The following FBXO45 variants were observed in gnomAD, a reference collection of about 807,000 sequenced individuals.
FBXO45 encodes the protein F-box/SPRY domain-containing protein 1.
A neutral mutation model predicts 25.5 loss-of-function variants in FBXO45; 3 were observed. That is an observed-to-expected ratio of 0.12 (90% confidence interval 0.05 to 0.30). The LOEUF (loss-of-function observed/expected upper bound fraction) is 0.30. Among genes scored for constraint, FBXO45 ranks in the 10% least tolerant of loss-of-function variants. The pLI, the probability that FBXO45 is intolerant of heterozygous loss-of-function variation, is 1.00. For synonymous variants in FBXO45, 155 were observed against 149.8 expected (o/e 1.03, Z -0.25); for missense variants, 219 against 365.0 (o/e 0.60, Z 3.26).
chr3:196,574,265 C>T (rs1735876708), intron 1 of FBXO45, among the ~76,000 whole-genome samples: 1 of 152,040 alleles, frequency 6.6e-6, no homozygotes, highest in Non-Finnish European at 1.5e-5. Flanking sequence ...TTTCCAGTAT[C>T]TGTTTCTAAA....
chr3:196,582,071 C>A (rs1736019816), intron 2 of FBXO45, among the ~76,000 whole-genome samples: 1 of 152,138 alleles, frequency 6.6e-6, no homozygotes, highest in South Asian at 2.1e-4. Flanking sequence ...TGGAGTTCCT[C>A]CTCTAAGTTT....
chr3:196,572,356 G>C (rs1174888764), intron 1 of FBXO45, among the ~76,000 whole-genome samples: 1 of 152,200 alleles, frequency 6.6e-6, no homozygotes, highest in Non-Finnish European at 1.5e-5. Context: ...ACCGCATCTG[G>C]TAAGTAGTAT....
chr3:196,581,223 CTTTTT>C (rs33962634), intron 2 of FBXO45, among the ~76,000 whole-genome samples: 277 of 63,576 alleles, frequency 4.4e-3, no homozygotes, highest in African/African-American at 0.017. Flanking sequence ...TTTCTTTTTC[CTTTTT>C]TTTTTTTTTT....
intron 1 of FBXO45, among the ~76,000 whole-genome samples, chr3:196,573,144 G>A (rs898201290): frequency 8.6e-5 from 13 of 151,990 alleles, no homozygotes; most frequent in African/African-American, 2.9e-4. Flanking sequence ...CAGGCTGGTG[G>A]GCTAGGTTTC....
At chr3:196,571,272 G>A (rs1014382027) in intron 1 of FBXO45, among the ~76,000 whole-genome samples, 4 of 152,022 alleles carry the variant, frequency 2.6e-5, no homozygotes, top group African/African-American at 9.7e-5. Flanking sequence ...TGTCGCCCAG[G>A]CTGCAGTGCA....
At position 196,587,685 on chromosome 3, in the gene FBXO45, C is replaced by T. The variant is rs1056186935; in HGVS notation, c.*3367C>T. ...TACAGGTGTATGCCACTATACCCAG[C>T]TTTAACTTTTAAATCCCCAAACTAT... On this transcript the variant is annotated 3_prime_UTR_variant, in exon 3 of 3. Transcript: ENST00000311630. The T allele has an allele frequency of 1.3e-5, 2 of 152,104 alleles. No individual in the cohort carries two copies. Among genetic ancestry groups the T allele is most frequent in the African/African-American group, 2.4e-5 (1 of 41,406 alleles). The allele number at this position is 152,104 out of a possible 1,614,324, so 9.4% of individuals were successfully genotyped here.
intron 2 of FBXO45, 71 bp downstream of exon 2, chr3:196,577,880 A>G (rs912234032): frequency 9.7e-6 from 9 of 929,070 alleles, no homozygotes; most frequent in Middle Eastern, 3.2e-4. Context: ...TAAATTTACA[A>G]ATTTTTATAT....
Position 196,588,036 on chromosome 3 carries a change from A to C in FBXO45, c.*3718A>C, listed in dbSNP as rs900019044. ...AACCTTTGCCTCCCGGGTTCAAGTG[A>C]TTCTCCTGCCTCAGTCTCCCGAGTA... is the stretch of plus-strand genomic sequence containing the variant. On this transcript the variant is annotated 3_prime_UTR_variant, in exon 3 of 3. Coordinates refer to ENST00000311630, the MANE Select transcript of FBXO45 (RefSeq NM_001105573.2). The surrounding 1 kb of genome is among the most constrained non-coding windows in gnomAD (Gnocchi z 4.2). 1 of 152,054 alleles carries C rather than the reference A, an allele frequency of 6.6e-6. No individual in the cohort carries two copies. The highest frequency in any genetic ancestry group is 1.5e-5 in the Non-Finnish European group (1 of 68,088). The allele number at this position is 152,054 out of a possible 1,614,324, so 9.4% of individuals were successfully genotyped here.
chr3:196,569,103 C>T lies in FBXO45; in HGVS notation c.119C>T (p.Pro40Leu), dbSNP rs1225952470. 2.0e-6 allele frequency: 3 copies of T among 1,504,052 alleles called. No individual in the cohort carries two copies. The highest frequency in any genetic ancestry group is 1.8e-6 in the Non-Finnish European group (2 of 1,119,154). The allele number at this position is 1,504,052 out of a possible 1,614,324, so 93.2% of individuals were successfully genotyped here. A position where few individuals can be genotyped will look rare whatever the true frequency, so the allele number is the denominator to read the frequency against. Residue 40 changes from proline (P) to leucine (L), a missense_variant, in exon 1 of 3, where the codon CCC (proline) becomes CTC (leucine). Physicochemically the swap from Pro to Leu is moderately conservative, Grantham distance 98. This residue lies in a region of FBXO45 where 138 missense variants were observed against 157.3 expected (regional missense o/e 0.88). Coordinates refer to ENST00000311630, the MANE Select transcript of FBXO45 (RefSeq NM_001105573.2). The surrounding 1 kb of genome is among the most constrained non-coding windows in gnomAD (Gnocchi z 4.1). ...SGAAGAGGRL[P>L]SRVLELVFSY... ...GCCGCGGGGGCCGGGGGCCGGCTGC[C>T]CAGCCGGGTGCTGGAGTTGGTGTTC...
rs1736178324 is a variant in FBXO45, at chr3:196,588,507, TG to T, written c.*4190del. On this transcript the variant is annotated 3_prime_UTR_variant, in exon 3 of 3. Transcript: ENST00000311630. The surrounding 1 kb of genome is among the most constrained non-coding windows in gnomAD (Gnocchi z 4.2). The stretch of plus-strand genomic sequence containing the variant: ...AACAGCCCACACCCAGCCCAAATGC[TG>T]TCCTCAAAAACATTCCTCAGTTTCT... 1 of 152,266 alleles carries T rather than the reference TG, an allele frequency of 6.6e-6. No individual in the cohort carries two copies. The highest frequency in any genetic ancestry group is 2.4e-5 in the African/African-American group (1 of 41,480). 9.4% of individuals were successfully genotyped at this position (152,266 alleles called of 1,614,324 possible).
chr3:196,571,401 T>C (rs1228893496), intron 1 of FBXO45, among the ~76,000 whole-genome samples: 1 of 152,056 alleles, frequency 6.6e-6, no homozygotes, highest in African/African-American at 2.4e-5. Flanking sequence ...TAATTTTTTA[T>C]TTTTTAGAGA....
intron 1 of FBXO45, among the ~76,000 whole-genome samples, chr3:196,575,214 C>T (rs529724480): frequency 1.4e-3 from 215 of 152,046 alleles, no homozygotes; most frequent in African/African-American, 5.0e-3. Context: ...CCAGCACTTG[C>T]GGAGGCCAAG....
chr3:196,574,788 C>T (rs888454847), intron 1 of FBXO45, among the ~76,000 whole-genome samples: 2 of 152,132 alleles, frequency 1.3e-5, no homozygotes, highest in East Asian at 1.9e-4. Context: ...TTGGGTGGCC[C>T]TGGTTAAGAA....
chr3:196,574,526 G>A (rs1415670416), intron 1 of FBXO45, among the ~76,000 whole-genome samples: 1 of 152,066 alleles, frequency 6.6e-6, no homozygotes, highest in Non-Finnish European at 1.5e-5. Flanking sequence ...CACCTTATTT[G>A]TTGAGGAAAC....
chr3:196,586,245 T>C lies in FBXO45; in HGVS notation c.*1927T>C, dbSNP rs566940446. On this transcript the variant is annotated 3_prime_UTR_variant, in exon 3 of 3. Coordinates refer to ENST00000311630, the MANE Select transcript of FBXO45 (RefSeq NM_001105573.2). Reference sequence around the variant, plus strand: ...ATCAAGTCCTTTAAGTACTTGTTTCTTTTTCAGGTTGTGATGTGGCCATTC... The same window carrying C: ...ATCAAGTCCTTTAAGTACTTGTTTCCTTTTCAGGTTGTGATGTGGCCATTC... 1 of 152,340 alleles carries C rather than the reference T, an allele frequency of 6.6e-6. No individual in the cohort carries two copies. The highest frequency in any genetic ancestry group is 2.1e-4 in the South Asian group (1 of 4,826). 9.4% of individuals were successfully genotyped at this position (152,340 alleles called of 1,614,324 possible).
intron 2 of FBXO45, among the ~76,000 whole-genome samples, chr3:196,582,296 A>G (rs1736025493): frequency 6.6e-6 from 1 of 152,220 alleles, no homozygotes; most frequent in Admixed American, 6.5e-5. Flanking sequence ...TACAAATACG[A>G]CACAACACAA....
chr3:196,587,004 A>AT lies in FBXO45; in HGVS notation c.*2688dup, dbSNP rs1301280896. The AT allele has an allele frequency of 6.6e-6, 1 of 152,248 alleles. No individual in the cohort carries two copies. 9.4% of individuals were successfully genotyped at this position (152,248 alleles called of 1,614,324 possible). On this transcript the variant is annotated 3_prime_UTR_variant, in exon 3 of 3. Transcript: ENST00000311630. ...GCTTGTGCCGTGGATGAAAAGTGCT[A>AT]TTAAAAGTCAAAGGAGTGTTCTGTT... is the stretch of plus-strand genomic sequence containing the variant.
Position 196,569,443 on chromosome 3 carries a change from C to T in FBXO45, c.318+141C>T, listed in dbSNP as rs1735740715. Reference sequence around the variant, plus strand: ...CGGCTCCAGTCAGTATCTTCCTCACCTCCCCCCAAGATAAAGATTCTCTTT... The same window carrying T: ...CGGCTCCAGTCAGTATCTTCCTCACTTCCCCCCAAGATAAAGATTCTCTTT... On this transcript the variant is annotated intron_variant, in intron 1 of 2. Transcript: ENST00000311630. This position sits in a 1 kb window ranked among gnomAD's most constrained non-coding sequence, Gnocchi z 4.1. The T allele has an allele frequency of 2.7e-6, 2 of 741,414 alleles. No individual in the cohort carries two copies. The highest frequency in any genetic ancestry group is 2.1e-6 in the Non-Finnish European group (1 of 480,160). The allele number at this position is 741,414 out of a possible 1,614,324, so 45.9% of individuals were successfully genotyped here.
At chr3:196,573,653 C>T (rs1735865467) in intron 1 of FBXO45, among the ~76,000 whole-genome samples, 1 of 151,914 alleles carries the variant, frequency 6.6e-6, no homozygotes, top group Admixed American at 6.6e-5. Context: ...TCCCAGGAGC[C>T]TGGATAACAG....
Sources: gnomAD v4.1 joint callset for allele counts (sites outside exome capture counted in the v4.1 genomes callset) on GRCh38, gnomAD v4.1.1 for gene constraint, gnomAD v4.1.1 regional missense constraint, Gnocchi (gnomAD v3.1) non-coding constraint, MANE v1.5 for transcripts, NCBI Gene and HGNC (gene_info 2026-07-23, HGNC 2026-07-21) for gene names.